Variants in ADGRL1 observed in about 807,000 individuals in gnomAD.
The protein encoded by ADGRL1 is adhesion G protein-coupled receptor L1, also known as CIRL-1.
Under a neutral mutation model 148.9 loss-of-function variants are expected in ADGRL1, and 31 were observed. The observed-to-expected ratio is 0.21, with a 90% CI of 0.16 to 0.28. ADGRL1 has a LOEUF of 0.28. Ranked by LOEUF, ADGRL1 falls within the 10% of genes least tolerant of loss-of-function variation. The probability of loss-of-function intolerance (pLI) is 1.00; values close to 1 mark genes in which losing one functional copy is unlikely to be tolerated. For missense variants in ADGRL1, 1,521 were observed against 2,058.8 expected, an observed-to-expected ratio of 0.74 and a Z score of 5.05; for synonymous variants, 937 against 900.3, an observed-to-expected ratio of 1.04 and a Z score of -0.73.
rs746957937 is a variant in ADGRL1 at position 14,177,592 on chromosome 19, G to A, written c.223C>T (p.Pro75Ser). ...CACTGCACATTCTCCATCTGGAAAGGGTCAGCATCGCAAATCTTGTCGTCC... is the reference window on the plus strand; with the variant it reads ...CACTGCACATTCTCCATCTGGAAAGAGTCAGCATCGCAAATCTTGTCGTCC... ...RTDDKICDAD[P>S]FQMENVQCYL... The change falls in exon 3 of 23, where the codon CCT becomes TCT. Residue 75 changes from proline (P) to serine (S), a missense_variant. Coordinates refer to ENST00000361434, the MANE Select transcript of ADGRL1 (RefSeq NM_014921.5). 3.2e-5 allele frequency: 51 copies of A among 1,614,088 alleles called. No homozygotes were observed. The highest frequency in any genetic ancestry group is 4.2e-5 in the Non-Finnish European group (49 of 1,180,048).
chr19:14,151,574 G>C lies in ADGRL1; in HGVS notation c.3709C>G (p.Leu1237Val). The change falls in exon 23 of 23, where the codon CTG becomes GTG. Residue 1237 changes from leucine to valine, a missense_variant. By Grantham distance (32) the Leu-to-Val change is conservative. This residue lies in a region of ADGRL1 where 390 missense variants were observed against 375.0 expected (regional missense o/e 1.04). Transcript: ENST00000361434. Reference sequence around the variant, plus strand: ...TTATTGAAGTTGCCGTTCAGGGGCAGGGTGTCCATGCCACAGGCTTCCCGG... The same window carrying C: ...TTATTGAAGTTGCCGTTCAGGGGCACGGTGTCCATGCCACAGGCTTCCCGG... Reference protein sequence around the residue: ...GGREACGMDTLPLNGNFNNSY... With the variant: ...GGREACGMDTVPLNGNFNNSY... 1 of 1,608,734 alleles carries C rather than the reference G, an allele frequency of 6.2e-7. No individual in the cohort carries two copies. Among genetic ancestry groups the C allele is most frequent in the Non-Finnish European group, 8.5e-7 (1 of 1,179,118 alleles).
chr19:14,161,164 C>T lies in ADGRL1; in HGVS notation c.1510+148G>A, dbSNP rs1338147103. ...CAGGGGCACTGAGTGGCTCCTGTGC[C>T]CTGAGAGCTCTGCTGGTCACTGGGG... On this transcript the variant is annotated intron_variant, in intron 6 of 22. Coordinates refer to ENST00000361434, the MANE Select transcript of ADGRL1 (RefSeq NM_014921.5). The surrounding 1 kb of genome is among the most constrained non-coding windows in gnomAD (Gnocchi z 4.4). 2.5e-6 allele frequency: 2 copies of T among 812,630 alleles called. No homozygotes were observed. Among genetic ancestry groups the T allele is most frequent in the South Asian group, 3.9e-5 (2 of 51,246 alleles). 50.3% of individuals were successfully genotyped at this position (812,630 alleles called of 1,614,324 possible). A position where few individuals can be genotyped will look rare whatever the true frequency, so the allele number is the denominator to read the frequency against.
At position 14,163,173 on chromosome 19, in the gene ADGRL1, C is replaced by T; in HGVS notation, c.628G>A (p.Gly210Ser). 2 of 1,613,886 alleles carry T rather than the reference C, an allele frequency of 1.2e-6. No individual in the cohort carries two copies. ...YRLPNRVDGT[G>S]FVVYDGAVFY... Reference sequence around the variant, plus strand: ...ACGGCACCATCGTAGACCACAAAGCCTGTGCCATCCACGCGGTTGGGCAGG... The same window carrying T: ...ACGGCACCATCGTAGACCACAAAGCTTGTGCCATCCACGCGGTTGGGCAGG... The change falls in exon 5 of 23, where the codon GGC becomes AGC. Residue 210 changes from glycine (G) to serine (S), a missense_variant. Coordinates refer to ENST00000361434, the MANE Select transcript of ADGRL1 (RefSeq NM_014921.5).
chr19:14,155,599 G>C lies in ADGRL1; in HGVS notation c.3126-72C>G. 3.3e-6 allele frequency: 5 copies of C among 1,518,206 alleles called. No homozygotes were observed. Among genetic ancestry groups the C allele is most frequent in the Non-Finnish European group, 4.5e-6 (5 of 1,109,716 alleles). The allele number at this position is 1,518,206 out of a possible 1,614,324, so 94.0% of individuals were successfully genotyped here. A position where few individuals can be genotyped will look rare whatever the true frequency, so the allele number is the denominator to read the frequency against. ...GGCCTCAGCCCAGGCCTCCCCTGCAGCCTACAACGGGGGCCCTTGGGTGGG... is the reference window on the plus strand; with the variant it reads ...GGCCTCAGCCCAGGCCTCCCCTGCACCCTACAACGGGGGCCCTTGGGTGGG... On this transcript the variant is annotated intron_variant, in intron 17 of 22. Transcript: ENST00000361434. This position sits in a 1 kb window ranked among gnomAD's most constrained non-coding sequence, Gnocchi z 5.0.
rs967252750 is a variant in ADGRL1 at position 14,161,196 on chromosome 19, C to T, written c.1510+116G>A. ...GCTCTGCTGGTCACTGGGGATGACC[C>T]CTGCCCTCAGAAAACCTCTGCTCCG... On this transcript the variant is annotated intron_variant, in intron 6 of 22. Transcript: ENST00000361434. The surrounding 1 kb of genome is among the most constrained non-coding windows in gnomAD (Gnocchi z 4.4). The T allele has an allele frequency of 4.1e-5, 43 of 1,057,846 alleles. No individual in the cohort carries two copies. Among genetic ancestry groups the T allele is most frequent in the Non-Finnish European group, 4.9e-5 (38 of 768,510 alleles). The allele number at this position is 1,057,846 out of a possible 1,614,324, so 65.5% of individuals were successfully genotyped here. A position where few individuals can be genotyped will look rare whatever the true frequency, so the allele number is the denominator to read the frequency against.
rs781100862 is a variant in ADGRL1, at chr19:14,157,429, G to A, written c.2567C>T (p.Ser856Leu). ...CACAATGCCCACCCAGGTGATGACC[G>A]ACAGCAGCAGCTCGTTGATGCGGCC... ...YQGRINELLLSVITWVGIVIS... is the reference protein window; with the variant it reads ...YQGRINELLLLVITWVGIVIS... The change falls in exon 14 of 23, where the codon TCG (serine) becomes TTG (leucine). Residue 856 changes from serine (S) to leucine (L), a missense_variant. Ser to Leu is a moderately radical substitution (Grantham distance 145). Coordinates refer to ENST00000361434, the MANE Select transcript of ADGRL1 (RefSeq NM_014921.5). This position sits in a 1 kb window ranked among gnomAD's most constrained non-coding sequence, Gnocchi z 7.5. 3 of 1,614,098 alleles carry A rather than the reference G, an allele frequency of 1.9e-6. No homozygotes were observed. Among genetic ancestry groups the A allele is most frequent in the Non-Finnish European group, 2.5e-6 (3 of 1,180,020 alleles).
intron 1 of ADGRL1, among the ~76,000 whole-genome samples, chr19:14,201,300 T>C (rs1480601858): frequency 8.7e-6 from 1 of 114,474 alleles, no homozygotes; most frequent in African/African-American, 3.1e-5. Flanking sequence ...CTGAGTTTTT[T>C]TGTTTTTTTT....
chr19:14,198,606 C>A (rs761172818), intron 1 of ADGRL1, among the ~76,000 whole-genome samples: 2 of 152,062 alleles, frequency 1.3e-5, no homozygotes, highest in African/African-American at 4.8e-5. Flanking sequence ...CTACCTCTAC[C>A]CCCACCCCTG....
chr19:14,163,464 A>T, intron 4 of ADGRL1, 58 bp from the exon 5 acceptor site: 32 of 784,018 alleles, frequency 4.1e-5, no homozygotes, highest in Non-Finnish European at 5.6e-5. Flanking sequence ...GGCGAGAGGG[A>T]GGAGAGAGAG....
intron 1 of ADGRL1, among the ~76,000 whole-genome samples, chr19:14,184,725 C>T (rs557140667): frequency 2.0e-5 from 3 of 151,338 alleles, no homozygotes; most frequent in African/African-American, 7.3e-5. Flanking sequence ...CTGCAAGCTC[C>T]GCCTCCTGGG....
intron 2 of ADGRL1, among the ~76,000 whole-genome samples, chr19:14,180,681 C>G (rs944242967): frequency 3.3e-5 from 5 of 152,078 alleles, no homozygotes; most frequent in African/African-American, 1.2e-4. Flanking sequence ...TCCCGAGTAG[C>G]TGGGACTACA....
Position 14,159,828 on chromosome 19 carries a change from C to T in ADGRL1, c.1801-55G>A. 4.1e-6 allele frequency: 6 copies of T among 1,453,882 alleles called. No individual in the cohort carries two copies. Among genetic ancestry groups the T allele is most frequent in the Non-Finnish European group, 5.8e-6 (6 of 1,034,316 alleles). The allele number at this position is 1,453,882 out of a possible 1,614,324, so 90.1% of individuals were successfully genotyped here. ...AGGCCTCTGGGTGCCGGTTCCCTCA[C>T]CCTAATACTGTCACATCTGGATAGC... On this transcript the variant is annotated intron_variant, in intron 8 of 22. Transcript: ENST00000361434. The surrounding 1 kb of genome is among the most constrained non-coding windows in gnomAD (Gnocchi z 6.0).
At position 14,182,651 on chromosome 19, in the gene ADGRL1, A is replaced by G. The variant is rs556559064; in HGVS notation, c.70+882T>C. ...TAATTTTAGCCTTCCCGGGCTTGGG[A>G]GGGAGGGCCGGGGGTGGAAGGCTGG... is the stretch of plus-strand genomic sequence containing the variant. On this transcript the variant is annotated intron_variant, in intron 2 of 22. Coordinates refer to ENST00000361434, the MANE Select transcript of ADGRL1 (RefSeq NM_014921.5). Among the ~76,000 whole-genome samples the G allele has an allele frequency of 4.6e-5, 7 of 151,284 alleles. No homozygotes were observed. In the East Asian group the frequency reaches 1.4e-3, roughly 30 times the overall value.
intron 2 of ADGRL1, among the ~76,000 whole-genome samples, chr19:14,182,373 C>G (rs1228490513): frequency 1.3e-5 from 2 of 152,182 alleles, no homozygotes; most frequent in Non-Finnish European, 2.9e-5. Flanking sequence ...TGGAGGGCAG[C>G]AGGGATTCAG....
chr19:14,165,478 A>G (rs1371065988), intron 4 of ADGRL1, among the ~76,000 whole-genome samples: 1 of 151,958 alleles, frequency 6.6e-6, no homozygotes, highest in Non-Finnish European at 1.5e-5. Flanking sequence ...AACCCAGGGG[A>G]AGGGGGAGAA....
Position 14,160,193 on chromosome 19 carries a change from C to T in ADGRL1, c.1719G>A (p.Glu573=). ...GDVSSSVKLM[E]QLLDILDAQL... The stretch of plus-strand genomic sequence containing the variant: ...GGGCATCCAGGATGTCCAGCAGCTG[C>T]TCCATCAGCTTCACAGAGGAGGAGA... Residue 573 remains glutamate, a synonymous_variant, in exon 8 of 23, where the codon GAG becomes GAA. Coordinates refer to ENST00000361434, the MANE Select transcript of ADGRL1 (RefSeq NM_014921.5). The surrounding 1 kb of genome is among the most constrained non-coding windows in gnomAD (Gnocchi z 5.9). 1 of 1,600,324 alleles carries T rather than the reference C, an allele frequency of 6.2e-7. No individual in the cohort carries two copies. Among genetic ancestry groups the T allele is most frequent in the South Asian group, 1.1e-5 (1 of 90,826 alleles).
At chr19:14,175,697 CTT>C (rs1308691186) in intron 3 of ADGRL1, among the ~76,000 whole-genome samples, 4 of 149,470 alleles carry the variant, frequency 2.7e-5, no homozygotes, top group African/African-American at 2.6e-5. Flanking sequence ...CACAGACACA[CTT>C]AGTCACAATC....
rs896951158 is a variant in ADGRL1, at chr19:14,160,263, C to T, written c.1649G>A (p.Ser550Asn). Reference sequence around the variant, plus strand: ...GCCCCGGGTGTGTCGGGCCAGCTCGCTGGCGATGTTGGCCGCGTTCTCCCC... The same window carrying T: ...GCCCCGGGTGTGTCGGGCCAGCTCGTTGGCGATGTTGGCCGCGTTCTCCCC... Reference protein sequence around the residue: ...KSGENAANIASELARHTRGSI... With the variant: ...KSGENAANIANELARHTRGSI... Residue 550 changes from serine to asparagine, a missense_variant, in exon 8 of 23, where the codon AGC (serine) becomes AAC (asparagine). Physicochemically the swap from Ser to Asn is conservative, Grantham distance 46 (BLOSUM62 1). Transcript: ENST00000361434. This position sits in a 1 kb window ranked among gnomAD's most constrained non-coding sequence, Gnocchi z 5.9. 1 of 1,593,416 alleles carries T rather than the reference C, an allele frequency of 6.3e-7. No individual in the cohort carries two copies. Among genetic ancestry groups the T allele is most frequent in the Non-Finnish European group, 8.6e-7 (1 of 1,163,110 alleles).
chr19:14,157,882 G>T lies in ADGRL1; in HGVS notation c.2535C>A (p.Ile845=), dbSNP rs1253232340. Residue 845 remains isoleucine (I), a splice_region_variant and synonymous_variant, in exon 13 of 23, where the codon ATC becomes ATA. Coordinates refer to ENST00000361434, the MANE Select transcript of ADGRL1 (RefSeq NM_014921.5). This position sits in a 1 kb window ranked among gnomAD's most constrained non-coding sequence, Gnocchi z 7.5. ...NFAVLMAHRE[I]YQGRINELLL... ...AGGAGCAGAGCACCAGCCAGCTTAC[G>T]ATCTCACGGTGAGCCATGAGCACAG... 1.2e-6 allele frequency: 2 copies of T among 1,613,758 alleles called. No homozygotes were observed. The highest frequency in any genetic ancestry group is 1.7e-6 in the Non-Finnish European group (2 of 1,179,960).
Sources: allele counts gnomAD v4.1 joint callset (sites outside exome capture counted in the v4.1 genomes callset), GRCh38; gene constraint gnomAD v4.1.1; regional missense constraint gnomAD v4.1.1; non-coding constraint Gnocchi (gnomAD v3.1); transcripts MANE v1.5; gene names NCBI Gene and HGNC (gene_info 2026-07-23, HGNC 2026-07-21).